The following PRKCA variants were observed in gnomAD, a reference collection of about 807,000 sequenced individuals.
PRKCA encodes protein kinase C alpha.
In PRKCA, 27 loss-of-function variants were observed where a neutral mutation model predicts 87.0. That is an observed-to-expected ratio of 0.31 (90% CI 0.23 to 0.43). The LOEUF (loss-of-function observed/expected upper bound fraction) is 0.43. Ranked by LOEUF, PRKCA falls within the 20% of genes least tolerant of loss-of-function variation. The probability of loss-of-function intolerance (pLI) is 1.00; values close to 1 mark genes in which losing one functional copy is unlikely to be tolerated. For synonymous variants in PRKCA, 329 were observed against 311.1 expected, an observed-to-expected ratio of 1.06 and a Z score of -0.61; for missense variants, 518 against 852.3, an observed-to-expected ratio of 0.61 and a Z score of 4.88.
At chr17:66,484,492 A>T (rs1303033061) in intron 2 of PRKCA, among the ~76,000 whole-genome samples, 1 of 152,166 alleles carries the variant, frequency 6.6e-6, no homozygotes, top group African/African-American at 2.4e-5. Context: ...TTTTTGACAT[A>T]TGTCATATAA....
chr17:66,662,753 T>A (rs10401064), intron 5 of PRKCA, among the ~76,000 whole-genome samples: 95,285 of 151,486 alleles, frequency 0.63, 30,070 homozygotes, highest in African/African-American at 0.7. Flanking sequence ...GTTTATCTTC[T>A]GCTTTATACT....
At chr17:66,442,322 G>T (rs1913812878) in intron 2 of PRKCA, among the ~76,000 whole-genome samples, 2 of 151,734 alleles carry the variant, frequency 1.3e-5, no homozygotes, top group South Asian at 4.2e-4. Flanking sequence ...CTCCCAAAGT[G>T]CTGGGATTAC....
At chr17:66,712,756 A>G (rs1000424215) in intron 8 of PRKCA, among the ~76,000 whole-genome samples, 2 of 152,178 alleles carry the variant, frequency 1.3e-5, no homozygotes, top group Non-Finnish European at 2.9e-5. Flanking sequence ...TCATAGCTGT[A>G]TAGCCTGGAG....
At chr17:66,384,769 C>T (rs1567801532) in intron 2 of PRKCA, among the ~76,000 whole-genome samples, 1 of 152,126 alleles carries the variant, frequency 6.6e-6, no homozygotes, top group Non-Finnish European at 1.5e-5. Flanking sequence ...GCTGGGACTA[C>T]AGGTGCCCGT....
chr17:66,331,242 T>C (rs1432518300), intron 2 of PRKCA, among the ~76,000 whole-genome samples: 1 of 152,182 alleles, frequency 6.6e-6, no homozygotes, highest in Non-Finnish European at 1.5e-5. Flanking sequence ...TATCTCGTGC[T>C]TCCTGTCCCA....
intron 13 of PRKCA, among the ~76,000 whole-genome samples, chr17:66,758,987 TAAGAGGG>T (rs1040858841): frequency 1.9e-4 from 29 of 152,106 alleles, no homozygotes; most frequent in African/African-American, 6.8e-4. Context: ...ATAGAAGGGA[TAAGAGGG>T]AAGAATTAGG....
intron 2 of PRKCA, among the ~76,000 whole-genome samples, chr17:66,488,101 G>C (rs1916063449): frequency 6.6e-6 from 1 of 152,056 alleles, no homozygotes; most frequent in Non-Finnish European, 1.5e-5. Flanking sequence ...ATAATACTCA[G>C]ATTGCAAGTC....
At position 66,337,265 on chromosome 17, in the gene PRKCA, A is replaced by G. The variant is rs576306879; in HGVS notation, c.205+31138A>G. On this transcript the variant is annotated intron_variant, in intron 2 of 16. Coordinates refer to ENST00000413366, the MANE Select transcript of PRKCA (RefSeq NM_002737.3). ...GGATGAAGGCGAGGCAAAGGAATAG[A>G]TATCGTTGGTGATCCGCTAAGGACA... Among the ~76,000 whole-genome samples, 4 of 152,222 alleles carry G rather than the reference A, an allele frequency of 2.6e-5. No homozygotes were observed. In the East Asian group the frequency reaches 7.7e-4, roughly 29 times the overall value.
chr17:66,389,755 A>G (rs1401766846), intron 2 of PRKCA, among the ~76,000 whole-genome samples: 27 of 152,186 alleles, frequency 1.8e-4, no homozygotes, highest in Admixed American at 1.6e-3. Flanking sequence ...AAGTTCATCT[A>G]TTGTTTGATG....
At chr17:66,766,808 C>CA (rs559889725) in intron 13 of PRKCA, among the ~76,000 whole-genome samples, 3,132 of 104,314 alleles carry the variant, frequency 0.03, 112 homozygotes, top group African/African-American at 0.092. Flanking sequence ...AACTCCTTCT[C>CA]AAAAAAAAAA....
At chr17:66,579,768 G>A (rs56161944) in intron 3 of PRKCA, among the ~76,000 whole-genome samples, 16 of 152,196 alleles carry the variant, frequency 1.1e-4, no homozygotes, top group Non-Finnish European at 1.9e-4. Flanking sequence ...TAGGAAGTGA[G>A]TGATGAAATT....
intron 2 of PRKCA, among the ~76,000 whole-genome samples, chr17:66,419,430 G>A (rs1912362889): frequency 6.6e-6 from 1 of 152,034 alleles, no homozygotes; most frequent in African/African-American, 2.4e-5. Flanking sequence ...AAGGTTATAT[G>A]TTCTTTAATT....
At chr17:66,798,809 G>GTGA (rs1975775265) in intron 16 of PRKCA, among the ~76,000 whole-genome samples, 1 of 6,814 alleles carries the variant, frequency 1.5e-4, no homozygotes. Flanking sequence ...GGTGGTGGTG[G>GTGA]TGGTGGTGAT....
chr17:66,408,365 C>A (rs1255902206), intron 2 of PRKCA, among the ~76,000 whole-genome samples: 1 of 152,184 alleles, frequency 6.6e-6, no homozygotes, highest in African/African-American at 2.4e-5. Context: ...TAGAGAACTG[C>A]ATTTTAGGGC....
intron 3 of PRKCA, among the ~76,000 whole-genome samples, chr17:66,536,074 G>T (rs528652622): frequency 2.0e-5 from 3 of 152,182 alleles, no homozygotes; most frequent in Non-Finnish European, 1.5e-5. Context: ...ACCTGGTTTT[G>T]GACTAATTGC....
chr17:66,354,555 T>C (rs1019005219), intron 2 of PRKCA, among the ~76,000 whole-genome samples: 3 of 152,176 alleles, frequency 2.0e-5, no homozygotes, highest in African/African-American at 7.2e-5. Context: ...TAAGTTGCCG[T>C]CTAAGGTCCT....
intron 3 of PRKCA, among the ~76,000 whole-genome samples, chr17:66,633,992 G>A (rs1006044933): frequency 1.3e-5 from 2 of 152,194 alleles, no homozygotes; most frequent in African/African-American, 4.8e-5. Flanking sequence ...GTCAGCATCC[G>A]AATTCTGCAC....
rs1279535622 is a variant in PRKCA at position 66,803,311 on chromosome 17, G to C, written c.1855-562G>C. On this transcript the variant is annotated intron_variant, in intron 16 of 16. Transcript: ENST00000413366. This position sits in a 1 kb window ranked among gnomAD's most constrained non-coding sequence, Gnocchi z 4.4. Reference sequence around the variant, plus strand: ...GGCCAGGTGCAAATCTCCCAGCCTTGCCGCCACACCTACCTCATATCGCTT... The same window carrying C: ...GGCCAGGTGCAAATCTCCCAGCCTTCCCGCCACACCTACCTCATATCGCTT... 1.3e-5 allele frequency among the ~76,000 whole-genome samples: 2 copies of C among 152,208 alleles called. No homozygotes were observed. The highest frequency in any genetic ancestry group is 2.9e-5 in the Non-Finnish European group (2 of 68,030).
chr17:66,721,249 T>C (rs1973607368), intron 8 of PRKCA, among the ~76,000 whole-genome samples: 1 of 151,714 alleles, frequency 6.6e-6, no homozygotes, highest in Admixed American at 6.6e-5. Flanking sequence ...ACAAAAAAAT[T>C]AGCCAGGCAT....
Sources: allele counts gnomAD v4.1 joint callset (sites outside exome capture counted in the v4.1 genomes callset), GRCh38; gene constraint gnomAD v4.1.1; non-coding constraint Gnocchi (gnomAD v3.1); transcripts MANE v1.5; gene names NCBI Gene and HGNC (gene_info 2026-07-23, HGNC 2026-07-21).